RALGPS1: variants seen among roughly 807,000 people sequenced by gnomAD.
The protein encoded by RALGPS1 is ras-specific guanine nucleotide-releasing factor RalGPS1.
RALGPS1 carries 19 observed loss-of-function variants against 78.8 expected under a neutral mutation model. The observed-to-expected ratio is 0.24, with a 90% CI of 0.17 to 0.35. The LOEUF (loss-of-function observed/expected upper bound fraction) is 0.35, where lower values mean the gene tolerates loss of function less well. Among genes scored for constraint, RALGPS1 ranks in the 10% least tolerant of loss-of-function variants. The pLI is 1.00. For synonymous variants in RALGPS1, 228 were observed against 256.3 expected, an observed-to-expected ratio of 0.89 and a Z score of 1.06; for missense variants, 454 against 688.3, an observed-to-expected ratio of 0.66 and a Z score of 3.81.
At chr9:126,993,401 G>C (rs1159423958) in intron 4 of RALGPS1, among the ~76,000 whole-genome samples, 1 of 152,166 alleles carries the variant, frequency 6.6e-6, no homozygotes, top group African/African-American at 2.4e-5. Context: ...CTCACAAAAT[G>C]AGTTGAGAAG....
rs559920313 is a variant in RALGPS1 at position 127,122,958 on chromosome 9, C to T, written c.611-43111C>T. 6.6e-6 allele frequency: 1 copy of T among 152,426 alleles called. No individual in the cohort carries two copies. The highest frequency in any genetic ancestry group is 1.9e-4 in the East Asian group (1 of 5,194). 9.4% of individuals were successfully genotyped at this position (152,426 alleles called of 1,614,324 possible). A position where few individuals can be genotyped will look rare whatever the true frequency, so the allele number is the denominator to read the frequency against. On this transcript the variant is annotated intron_variant, in intron 8 of 18. Coordinates refer to ENST00000259351, the MANE Select transcript of RALGPS1 (RefSeq NM_014636.3). The surrounding 1 kb of genome is among the most constrained non-coding windows in gnomAD (Gnocchi z 6.4). ...CTCTCCCCAAAGCTCAGGCAGCTCC[C>T]GCGTGCTGCGAGGCGGAGCGCTTCC...
intron 8 of RALGPS1, among the ~76,000 whole-genome samples, chr9:127,074,702 C>T (rs373518173): frequency 1.3e-5 from 2 of 152,236 alleles, no homozygotes; most frequent in South Asian, 2.1e-4. Flanking sequence ...TCACTGAATG[C>T]GCACAATAGC....
intron 8 of RALGPS1, chr9:127,070,092 T>G (rs2135869196): frequency 6.6e-6 from 1 of 152,322 alleles, no homozygotes; most frequent in Middle Eastern, 3.4e-3. Context: ...GAGAGTGGGC[T>G]TAGGAGAGTG....
chr9:126,959,516 T>C (rs542521795), intron 1 of RALGPS1, among the ~76,000 whole-genome samples: 1 of 152,050 alleles, frequency 6.6e-6, no homozygotes, highest in East Asian at 1.9e-4. Context: ...GCCCGTCTCC[T>C]CTCCTTGCTC....
In RALGPS1 at chr9:127,183,927, C is replaced by T. The variant is rs769800339; in HGVS notation, c.910+9145C>T. On this transcript the variant is annotated intron_variant, in intron 11 of 18. Coordinates refer to ENST00000259351, the MANE Select transcript of RALGPS1 (RefSeq NM_014636.3). The surrounding 1 kb of genome is among the most constrained non-coding windows in gnomAD (Gnocchi z 4.0). The stretch of plus-strand genomic sequence containing the variant: ...GCAGAAGAGGCAAGACTCAAACCCA[C>T]CTCTGGCCAACACCCTGCCTGGATG... The T allele has an allele frequency of 6.4e-7, 1 of 1,550,514 alleles. No homozygotes were observed. The highest frequency in any genetic ancestry group is 8.7e-7 in the Non-Finnish European group (1 of 1,147,000).
At chr9:127,035,458 T>C (rs573050628) in intron 5 of RALGPS1, among the ~76,000 whole-genome samples, 1 of 152,342 alleles carries the variant, frequency 6.6e-6, no homozygotes, top group East Asian at 1.9e-4. Context: ...TGTACTGTTG[T>C]ACTGTTGACA....
At chr9:127,087,375 C>G (rs1169286052) in intron 8 of RALGPS1, 1 of 152,468 alleles carries the variant, frequency 6.6e-6, no homozygotes, top group Non-Finnish European at 1.5e-5. Flanking sequence ...ATTGCAGATT[C>G]GTGTCATTAC....
At chr9:126,962,620 G>A (rs2039007190) in intron 2 of RALGPS1, among the ~76,000 whole-genome samples, 1 of 152,244 alleles carries the variant, frequency 6.6e-6, no homozygotes, top group African/African-American at 2.4e-5. Context: ...GTGGCAAGAA[G>A]GGATCAGACC....
intron 4 of RALGPS1, among the ~76,000 whole-genome samples, chr9:127,032,942 AAAG>A (rs78361945): frequency 0.024 from 3,590 of 152,342 alleles, 46 homozygotes; most frequent in Middle Eastern, 0.048. Context: ...CTGCTTTTGA[AAAG>A]AAGTAGAGTC....
chr9:127,108,037 C>T (rs199872129), intron 8 of RALGPS1: 17 of 1,474,476 alleles, frequency 1.2e-5, no homozygotes, highest in Middle Eastern at 1.9e-4. Flanking sequence ...GTTGATGATG[C>T]GGTTGTAGGT....
chr9:127,195,069 G>A, intron 11 of RALGPS1, 22 bp from the exon 12 acceptor site: 2 of 1,611,540 alleles, frequency 1.2e-6, no homozygotes, highest in Non-Finnish European at 8.5e-7. Flanking sequence ...CCCCGTTGTT[G>A]CTCTCTCTGC....
intron 9 of RALGPS1, among the ~76,000 whole-genome samples, chr9:127,167,440 A>G (rs1338981986): frequency 6.6e-6 from 1 of 152,220 alleles, no homozygotes; most frequent in Non-Finnish European, 1.5e-5. Context: ...TCAGGGTCAG[A>G]TGGACTCCGG....
intron 8 of RALGPS1, among the ~76,000 whole-genome samples, chr9:127,149,959 G>A (rs2058325788): frequency 6.6e-6 from 1 of 152,202 alleles, no homozygotes; most frequent in African/African-American, 2.4e-5. Context: ...ACGATCACAT[G>A]CGGTCAAATA....
In RALGPS1 at chr9:127,153,184, C is replaced by T. The variant is rs79851537; in HGVS notation, c.611-12885C>T. Among the ~76,000 whole-genome samples, 214 of 152,222 alleles carry T rather than the reference C, an allele frequency of 1.4e-3. 5 individuals carry two copies. The East Asian group carries it at 0.04, about 29-fold the overall frequency. ...AATCCTACCATTGTCACAGAGTGAC[C>T]TTGGGCAGATTACTTTACATCTCTG... is the stretch of plus-strand genomic sequence containing the variant. On this transcript the variant is annotated intron_variant, in intron 8 of 18. Transcript: ENST00000259351.
chr9:127,074,041 C>T (rs2050463475), intron 8 of RALGPS1, among the ~76,000 whole-genome samples: 1 of 152,110 alleles, frequency 6.6e-6, no homozygotes, highest in African/African-American at 2.4e-5. Context: ...GCCACCATGC[C>T]CCGCTAAGTT....
At chr9:126,972,144 A>C (rs1216492229) in intron 3 of RALGPS1, among the ~76,000 whole-genome samples, 1 of 152,208 alleles carries the variant, frequency 6.6e-6, no homozygotes, top group Non-Finnish European at 1.5e-5. Flanking sequence ...GCTGTCAAGG[A>C]ATAGGAGGGT....
At chr9:127,069,501 C>G (rs2050007063) in intron 8 of RALGPS1, 145 bp downstream of exon 8, 1 of 863,964 alleles carries the variant, frequency 1.2e-6, no homozygotes, top group African/African-American at 1.7e-5. Context: ...TGGGTTGGAA[C>G]AGGCTGTTGG....
At chr9:126,958,198 T>G (rs2038553787) in intron 1 of RALGPS1, among the ~76,000 whole-genome samples, 1 of 146,986 alleles carries the variant, frequency 6.8e-6, no homozygotes, top group African/African-American at 2.5e-5. Context: ...TATATGAAAT[T>G]TCAAGGGGAA....
intron 8 of RALGPS1, among the ~76,000 whole-genome samples, chr9:127,146,382 T>C (rs1310022892): frequency 6.6e-6 from 1 of 152,206 alleles, no homozygotes; most frequent in East Asian, 1.9e-4. Flanking sequence ...TATATCCGTG[T>C]TGCTTTGAAG....
Sources: allele counts gnomAD v4.1 joint callset (sites outside exome capture counted in the v4.1 genomes callset), GRCh38; gene constraint gnomAD v4.1.1; non-coding constraint Gnocchi (gnomAD v3.1); transcripts MANE v1.5; gene names NCBI Gene and HGNC (gene_info 2026-07-23, HGNC 2026-07-21).